The following TCN2 variants were observed in gnomAD, a reference collection of about 807,000 sequenced individuals.
TCN2 encodes transcobalamin 2.
Under a neutral mutation model 48.6 loss-of-function variants are expected in TCN2, and 34 were observed. The observed-to-expected ratio is 0.70, with a 90% CI of 0.53 to 0.93. TCN2 has a LOEUF of 0.93. Among genes scored for constraint, TCN2 ranks in the 40% least tolerant of loss-of-function variants. The pLI, the probability that TCN2 is intolerant of heterozygous loss-of-function variation, is 0.00. For missense variants in TCN2, 652 were observed against 526.1 expected, an observed-to-expected ratio of 1.24 and a Z score of -2.34; for synonymous variants, 283 against 212.5, an observed-to-expected ratio of 1.33 and a Z score of -2.89.
rs921002639 is a variant in TCN2, at chr22:30,610,956, G to C, written c.150G>C (p.Leu50Phe). The C allele has an allele frequency of 3.1e-6, 5 of 1,614,108 alleles. No individual in the cohort carries two copies. The African/African-American group carries it at 6.7e-5, about 22-fold the overall frequency. ...PWMDRLSLEH[L>F]NPSIYVGLRL... ...TGGACCGGCTTTCCCTGGAGCACTT[G>C]AACCCCAGCATCTATGTGGGCCTAC... is the stretch of plus-strand genomic sequence containing the variant. Residue 50 changes from leucine to phenylalanine, a missense_variant, in exon 2 of 9, where the codon TTG becomes TTC. Coordinates refer to ENST00000215838, the MANE Select transcript of TCN2 (RefSeq NM_000355.4).
intron 8 of TCN2, 37 bp downstream of exon 8, chr22:30,623,120 C>A: frequency 2.5e-6 from 4 of 1,606,562 alleles, no homozygotes; most frequent in Non-Finnish European, 3.4e-6. Context: ...GTGTCCCCTA[C>A]CCCAAGCTTA....
rs769754249 is a variant in TCN2, at chr22:30,615,569, C to T, written c.754-32C>T. 16 of 1,613,840 alleles carry T rather than the reference C, an allele frequency of 9.9e-6. 1 individual carries two copies. Among genetic ancestry groups the T allele is most frequent in the African/African-American group, 9.3e-5 (7 of 74,900 alleles). ...CACCTAGCCCCTCCCTGCCGGCTGA[C>T]TTCCTCTCTCTCTTCCTCACTCTAT... On this transcript the variant is annotated intron_variant, in intron 5 of 8. Transcript: ENST00000215838.
intron 7 of TCN2, among the ~76,000 whole-genome samples, chr22:30,619,169 C>T (rs1042804861): frequency 4.6e-5 from 7 of 152,194 alleles, no homozygotes; most frequent in Middle Eastern, 3.2e-3. Context: ...CTCAATCTTC[C>T]GGGCTCTGAT....
At chr22:30,618,571 T>C (rs1043913259) in intron 7 of TCN2, among the ~76,000 whole-genome samples, 2 of 152,182 alleles carry the variant, frequency 1.3e-5, no homozygotes, top group Admixed American at 1.3e-4. Context: ...AGCTGGTTTC[T>C]AACTCCTGAA....
intron 1 of TCN2, 113 bp downstream of exon 1, chr22:30,607,508 G>C (rs575431078): frequency 8.6e-7 from 1 of 1,157,866 alleles, no homozygotes; most frequent in African/African-American, 1.5e-5. Flanking sequence ...AGCAGTTTGG[G>C]CTTAGCTGGA....
chr22:30,608,053 C>T (rs918611118), intron 1 of TCN2, among the ~76,000 whole-genome samples: 2 of 152,124 alleles, frequency 1.3e-5, no homozygotes, highest in African/African-American at 4.8e-5. Context: ...CCCAAGGGGT[C>T]TCTTGGAGCA....
chr22:30,614,994 C>T (rs1230868408), intron 4 of TCN2, among the ~76,000 whole-genome samples: 2 of 152,154 alleles, frequency 1.3e-5, no homozygotes, highest in African/African-American at 2.4e-5. Context: ...GGGGTCAAGT[C>T]CTCTTGGGCC....
intron 7 of TCN2, among the ~76,000 whole-genome samples, chr22:30,622,721 C>T (rs2087717029): frequency 6.6e-6 from 1 of 152,220 alleles, no homozygotes; most frequent in South Asian, 2.1e-4. Context: ...ATAGATGCCC[C>T]TTTCCTGGAG....
In TCN2 at chr22:30,617,359, C is replaced by T. The variant is rs149299209; in HGVS notation, c.970C>T (p.Pro324Ser). 4.4e-5 allele frequency: 71 copies of T among 1,614,054 alleles called. No homozygotes were observed. Among genetic ancestry groups the T allele is most frequent in the South Asian group, 1.1e-5 (1 of 91,082 alleles). ...GTTGGAACCAGCTGCTGAGACCATT[C>T]CTCAGACCCAAGAGATCATCAGTGT... ...VMLEPAAETIPQTQEIISVTL... is the reference protein window; with the variant it reads ...VMLEPAAETISQTQEIISVTL... The change falls in exon 7 of 9, where the codon CCT (proline) becomes TCT (serine). Residue 324 changes from proline (P) to serine (S), a missense_variant. By Grantham distance (74) the Pro-to-Ser change is moderately conservative (BLOSUM62 -1). Transcript: ENST00000215838.
intron 7 of TCN2, among the ~76,000 whole-genome samples, chr22:30,622,447 G>C (rs1200042788): frequency 6.6e-6 from 1 of 152,216 alleles, no homozygotes; most frequent in Admixed American, 6.5e-5. Context: ...CTCCACAACA[G>C]CGGGTGTAGA....
chr22:30,610,728 A>G lies in TCN2; in HGVS notation c.65-143A>G, dbSNP rs549364704. 77 of 806,328 alleles carry G rather than the reference A, an allele frequency of 9.5e-5. 1 individual carries two copies. The South Asian group carries it at 1.1e-3, about 12-fold the overall frequency. 49.9% of individuals were successfully genotyped at this position (806,328 alleles called of 1,614,324 possible). On this transcript the variant is annotated intron_variant, in intron 1 of 8. Transcript: ENST00000215838. ...TCCCACTGCCTTTCAGTATGGCTGC[A>G]TTTCCCCCTGCAAGTTGGTGTGTGC...
chr22:30,608,220 C>T (rs917819775), intron 1 of TCN2, among the ~76,000 whole-genome samples: 1 of 152,214 alleles, frequency 6.6e-6, no homozygotes, highest in African/African-American at 2.4e-5. Context: ...ACTTTCACCC[C>T]CATGGTCTCT....
rs1273861340 is a variant in TCN2, at chr22:30,626,758, C to T, written c.*237C>T. 1.7e-6 allele frequency: 1 copy of T among 600,926 alleles called. No individual in the cohort carries two copies. The highest frequency in any genetic ancestry group is 2.8e-5 in the Admixed American group (1 of 36,272). 37.2% of individuals were successfully genotyped at this position (600,926 alleles called of 1,614,324 possible). A position where few individuals can be genotyped will look rare whatever the true frequency, so the allele number is the denominator to read the frequency against. On this transcript the variant is annotated 3_prime_UTR_variant, in exon 9 of 9. Coordinates refer to ENST00000215838, the MANE Select transcript of TCN2 (RefSeq NM_000355.4). Reference sequence around the variant, plus strand: ...GTCTTTCTGGCCAAGTCTGGCCAGCCTGGCCCTGCAGGTCTCCCATGAAGG... The same window carrying T: ...GTCTTTCTGGCCAAGTCTGGCCAGCTTGGCCCTGCAGGTCTCCCATGAAGG...
chr22:30,617,274 A>G, intron 6 of TCN2, 56 bp from the exon 7 acceptor site: 1 of 1,612,366 alleles, frequency 6.2e-7, no homozygotes, highest in Non-Finnish European at 8.5e-7. Context: ...AAGAAGACAA[A>G]TAATCCAGGC....
intron 3 of TCN2, among the ~76,000 whole-genome samples, chr22:30,614,021 C>T (rs1602047033): frequency 6.6e-6 from 1 of 152,092 alleles, no homozygotes; most frequent in East Asian, 1.9e-4. Context: ...AGCATTACCT[C>T]CTTGGAGAAT....
rs1187936976 is a variant in TCN2 at position 30,614,388 on chromosome 22, A to G, written c.467A>G (p.Gln156Arg). Residue 156 changes from glutamine to arginine, a missense_variant, in exon 4 of 9, where the codon CAG (glutamine) becomes CGG (arginine). Transcript: ENST00000215838. ...GGCCACCCCCACACTAGCTACTACC[A>G]GTATGGCCTGGGCATTCTGGCCCTG... The part of the protein sequence containing the change: ...HKGHPHTSYY[Q>R]YGLGILALCL... 3.1e-6 allele frequency: 5 copies of G among 1,614,000 alleles called. No homozygotes were observed. The highest frequency in any genetic ancestry group is 4.2e-6 in the Non-Finnish European group (5 of 1,180,020).
At position 30,615,769 on chromosome 22, in the gene TCN2, G is replaced by A; in HGVS notation, c.922G>A (p.Asp308Asn). The A allele has an allele frequency of 6.2e-7, 1 of 1,614,202 alleles. No individual in the cohort carries two copies. Among genetic ancestry groups the A allele is most frequent in the Non-Finnish European group, 8.5e-7 (1 of 1,180,038 alleles). ...HKTYIDLIFPDCLAPRVMLEP... is the reference protein window; with the variant it reads ...HKTYIDLIFPNCLAPRVMLEP... Reference sequence around the variant, plus strand: ...GACCTACATTGATCTGATCTTCCCAGACTGTCTGGCACCACGAGGTAGCCC... The same window carrying A: ...GACCTACATTGATCTGATCTTCCCAAACTGTCTGGCACCACGAGGTAGCCC... The change falls in exon 6 of 9, where the codon GAC (aspartate) becomes AAC (asparagine). Residue 308 changes from aspartate (D) to asparagine (N), a missense_variant. Transcript: ENST00000215838.
intron 2 of TCN2, among the ~76,000 whole-genome samples, chr22:30,612,194 A>G (rs151239957): frequency 1.1e-3 from 160 of 152,280 alleles, no homozygotes; most frequent in African/African-American, 3.7e-3. Context: ...ACAGTGAGCC[A>G]TGGTGGCACC....
chr22:30,618,132 T>C (rs1394339697), intron 7 of TCN2, among the ~76,000 whole-genome samples: 1 of 148,974 alleles, frequency 6.7e-6, no homozygotes, highest in Non-Finnish European at 1.5e-5. Flanking sequence ...TTTTTTTTTT[T>C]TGAGATAGGG....
Sources: gnomAD v4.1 joint callset for allele counts (sites outside exome capture counted in the v4.1 genomes callset) on GRCh38, gnomAD v4.1.1 for gene constraint, MANE v1.5 for transcripts, NCBI Gene and HGNC (gene_info 2026-07-23, HGNC 2026-07-21) for gene names.